Variants in SLC5A10 observed in about 807,000 individuals in gnomAD.
The protein encoded by SLC5A10 is sodium/mannose cotransporter SLC5A10.
A neutral mutation model predicts 68.9 loss-of-function variants in SLC5A10; 55 were observed. The observed-to-expected ratio is 0.80, with a 90% CI of 0.64 to 1.00. The LOEUF (loss-of-function observed/expected upper bound fraction) is 1.00, where lower values mean the gene tolerates loss of function less well. SLC5A10 is among the 50% of genes least tolerant of loss of function. SLC5A10 has a pLI of 0.00. For synonymous variants in SLC5A10, 344 were observed against 344.8 expected, an observed-to-expected ratio of 1.00 and a Z score of 0.02; for missense variants, 732 against 819.3, an observed-to-expected ratio of 0.89 and a Z score of 1.30.
chr17:19,017,175 T>C lies in SLC5A10; in HGVS notation c.1241+1976T>C, dbSNP rs1353591640. 1 of 962,348 alleles carries C rather than the reference T, an allele frequency of 1.0e-6. No homozygotes were observed. The highest frequency in any genetic ancestry group is 2.6e-5 in the East Asian group (1 of 38,110). The allele number at this position is 962,348 out of a possible 1,614,324, so 59.6% of individuals were successfully genotyped here. A position where few individuals can be genotyped will look rare whatever the true frequency, so the allele number is the denominator to read the frequency against. On this transcript the variant is annotated intron_variant, in intron 11 of 14. Coordinates refer to ENST00000395645, the MANE Select transcript of SLC5A10 (RefSeq NM_001042450.4). The surrounding 1 kb of genome is among the most constrained non-coding windows in gnomAD (Gnocchi z 5.6). ...CAAGGCTGCGTGGTGCAGGGCAGGTTGCTCACCCTCTCTGGGCCCCAGTTC... is the reference window on the plus strand; with the variant it reads ...CAAGGCTGCGTGGTGCAGGGCAGGTCGCTCACCCTCTCTGGGCCCCAGTTC...
chr17:18,962,621 A>G (rs1052317468), intron 5 of SLC5A10, among the ~76,000 whole-genome samples: 2 of 152,130 alleles, frequency 1.3e-5, no homozygotes, highest in Non-Finnish European at 2.9e-5. Context: ...TGAAGTGCCC[A>G]AGGTGCCCAG....
intron 11 of SLC5A10, among the ~76,000 whole-genome samples, chr17:19,015,834 G>T (rs751946250): frequency 6.6e-6 from 1 of 152,136 alleles, no homozygotes; most frequent in Non-Finnish European, 1.5e-5. Flanking sequence ...AGACCTCCCC[G>T]ACACCCTTCT....
At position 19,003,676 on chromosome 17, in the gene SLC5A10, C is replaced by G. The variant is rs745551286; in HGVS notation, c.983-9734C>G. The stretch of plus-strand genomic sequence containing the variant: ...GCTGCGGGATGGAGCGGTCCGACTT[C>G]TGGGGCCAGTACTCCAGGGAGGGCA... On this transcript the variant is annotated intron_variant, in intron 9 of 14. Coordinates refer to ENST00000395645, the MANE Select transcript of SLC5A10 (RefSeq NM_001042450.4). This position sits in a 1 kb window ranked among gnomAD's most constrained non-coding sequence, Gnocchi z 4.5. 1.9e-6 allele frequency: 3 copies of G among 1,611,410 alleles called. No homozygotes were observed. Among genetic ancestry groups the G allele is most frequent in the Non-Finnish European group, 2.5e-6 (3 of 1,179,150 alleles).
At chr17:19,006,139 G>A (rs2043883611) in intron 9 of SLC5A10, among the ~76,000 whole-genome samples, 2 of 152,212 alleles carry the variant, frequency 1.3e-5, no homozygotes, top group South Asian at 4.1e-4. Context: ...GTTTTCCCCA[G>A]TAGCGACGTT....
At chr17:18,953,892 G>A (rs1281950929) in intron 1 of SLC5A10, 1 of 152,344 alleles carries the variant, frequency 6.6e-6, no homozygotes, top group Non-Finnish European at 1.5e-5. Context: ...AAACTTTTCT[G>A]GTTTCAAATA....
At chr17:18,991,034 C>T (rs541928455) in intron 9 of SLC5A10, among the ~76,000 whole-genome samples, 23 of 152,312 alleles carry the variant, frequency 1.5e-4, no homozygotes, top group Admixed American at 2.6e-4. Context: ...GGAGCCTTTA[C>T]AGCTGTTACC....
At chr17:18,970,854 T>A in intron 7 of SLC5A10, 159 bp from the exon 8 acceptor site, 1 of 628,104 alleles carries the variant, frequency 1.6e-6, no homozygotes, top group Non-Finnish European at 2.8e-6. Flanking sequence ...AAAACAACCC[T>A]CTACCCTCAC....
At position 19,021,986 on chromosome 17, in the gene SLC5A10, C is replaced by T. The variant is rs1321870387; in HGVS notation, c.*1555C>T. ...ACAGGTGCACGGGCTGCACGTAACT[C>T]CGTGGGAAGAAGCCAACGCGCCCGC... On this transcript the variant is annotated 3_prime_UTR_variant, in exon 15 of 15. Transcript: ENST00000395645. The surrounding 1 kb of genome is among the most constrained non-coding windows in gnomAD (Gnocchi z 4.1). 1 of 1,581,094 alleles carries T rather than the reference C, an allele frequency of 6.3e-7. No homozygotes were observed. The highest frequency in any genetic ancestry group is 1.8e-5 in the Admixed American group (1 of 55,066).
chr17:18,969,296 T>A, intron 6 of SLC5A10, 46 bp from the exon 7 acceptor site: 1 of 1,600,784 alleles, frequency 6.2e-7, no homozygotes, highest in Admixed American at 1.7e-5. Flanking sequence ...GTGTCCCTCC[T>A]CCCTGGGGCC....
chr17:18,985,909 G>T (rs1380094961), intron 9 of SLC5A10, among the ~76,000 whole-genome samples: 2 of 152,256 alleles, frequency 1.3e-5, no homozygotes, highest in Non-Finnish European at 2.9e-5. Flanking sequence ...CCAGCCCAGG[G>T]CCTGGGATTT....
intron 9 of SLC5A10, among the ~76,000 whole-genome samples, chr17:18,990,121 A>AGGCAGATGTTGGC (rs2043377164): frequency 6.6e-6 from 1 of 152,096 alleles, no homozygotes; most frequent in Non-Finnish European, 1.5e-5. Context: ...CTCGCAGGGG[A>AGGCAGATGTTGGC]GGCAGATGTT....
intron 5 of SLC5A10, among the ~76,000 whole-genome samples, chr17:18,967,973 C>G (rs571843703): frequency 1.3e-5 from 2 of 152,058 alleles, no homozygotes; most frequent in Non-Finnish European, 2.9e-5. Context: ...CCTGAAAGCC[C>G]CTGGCTAGTT....
chr17:18,979,367 A>G (rs565760190), intron 9 of SLC5A10: 5 of 757,134 alleles, frequency 6.6e-6, no homozygotes, highest in East Asian at 5.6e-5. Context: ...GCGTCCTCAG[A>G]CAAAGCCCTT....
In SLC5A10 at chr17:18,971,867, T is replaced by G. The variant is rs921121828; in HGVS notation, c.846+649T>G. ...CCGGGTTCGCCTCCTGGCTCTGCCA[T>G]TCACCAGGGAGTGGGCCTAGACCAG... On this transcript the variant is annotated intron_variant, in intron 8 of 14. Transcript: ENST00000395645. This position sits in a 1 kb window ranked among gnomAD's most constrained non-coding sequence, Gnocchi z 5.5. 3.1e-5 allele frequency: 34 copies of G among 1,111,010 alleles called. No individual in the cohort carries two copies. Among genetic ancestry groups the G allele is most frequent in the Non-Finnish European group, 3.9e-5 (31 of 796,366 alleles). 68.8% of individuals were successfully genotyped at this position (1,111,010 alleles called of 1,614,324 possible).
rs1211224890 is a variant in SLC5A10, at chr17:19,004,081, G to A, written c.983-9329G>A. On this transcript the variant is annotated intron_variant, in intron 9 of 14. Transcript: ENST00000395645. This position sits in a 1 kb window ranked among gnomAD's most constrained non-coding sequence, Gnocchi z 5.4. ...GGGCACTGCTGCCGGGGGTGGGTGG[G>A]CAAGGTCCAGCTCCTAGCTCCGGCC... 2 of 1,546,738 alleles carry A rather than the reference G, an allele frequency of 1.3e-6. No homozygotes were observed. The highest frequency in any genetic ancestry group is 1.7e-6 in the Non-Finnish European group (2 of 1,146,272).
chr17:18,951,169 C>T (rs577428604), upstream of SLC5A10, among the ~76,000 whole-genome samples: 229 of 152,350 alleles, frequency 1.5e-3, no homozygotes, highest in Middle Eastern at 3.4e-3. Context: ...TTTGCAAAGT[C>T]ACGAGTCATG....
At chr17:18,991,967 G>A (rs544685676) in intron 9 of SLC5A10, among the ~76,000 whole-genome samples, 2 of 152,254 alleles carry the variant, frequency 1.3e-5, no homozygotes, top group East Asian at 3.9e-4. Context: ...GGCCATGCCT[G>A]GGGGGCAGAG....
In SLC5A10 at chr17:18,959,200, C is replaced by T. The variant is rs370923912; in HGVS notation, c.249C>T (p.Gly83=). ...TCTTCATTGGACTGGCGGGCTCAGG[C>T]GCGGCAGGAGGTCTGGCCGTGGCAG... ...SGLFIGLAGS[G]AAGGLAVAGF... The change falls in exon 3 of 15, where the codon GGC becomes GGT. Residue 83 remains glycine, a synonymous_variant. Transcript: ENST00000395645. The T allele has an allele frequency of 3.0e-5, 48 of 1,613,026 alleles. No homozygotes were observed. Among genetic ancestry groups the T allele is most frequent in the Admixed American group, 6.7e-5 (4 of 59,986 alleles).
At chr17:19,001,842 T>C (rs2043736617) in intron 9 of SLC5A10, among the ~76,000 whole-genome samples, 1 of 152,230 alleles carries the variant, frequency 6.6e-6, no homozygotes, top group Admixed American at 6.5e-5. Flanking sequence ...TGTTCCCATC[T>C]GCCTCCTTCC....
Sources: allele counts gnomAD v4.1 joint callset (sites outside exome capture counted in the v4.1 genomes callset), GRCh38; gene constraint gnomAD v4.1.1; non-coding constraint Gnocchi (gnomAD v3.1); transcripts MANE v1.5; gene names NCBI Gene and HGNC (gene_info 2026-07-23, HGNC 2026-07-21).